Variants in OSBPL1A observed in about 807,000 individuals in gnomAD.
OSBPL1A encodes the protein oxysterol binding protein like 1A.
OSBPL1A carries 80 observed loss-of-function variants against 137.1 expected under a neutral mutation model. That is an observed-to-expected ratio of 0.58 (90% CI 0.49 to 0.70). OSBPL1A has a LOEUF of 0.70. OSBPL1A is among the 30% of genes least tolerant of loss of function. The pLI, the probability that OSBPL1A is intolerant of heterozygous loss-of-function variation, is 0.00. For synonymous variants in OSBPL1A, 365 were observed against 389.7 expected (o/e 0.94, Z 0.75); for missense variants, 970 against 1,129.4 (o/e 0.86, Z 2.02).
At chr18:24,359,251 A>AC (rs1350384809) in intron 4 of OSBPL1A, among the ~76,000 whole-genome samples, 2 of 151,042 alleles carry the variant, frequency 1.3e-5, no homozygotes, top group African/African-American at 2.4e-5. Flanking sequence ...AGAGAAAGAG[A>AC]GAGATATGGT....
At chr18:24,272,164 G>C (rs2089739849) in intron 15 of OSBPL1A, 1 of 983,936 alleles carries the variant, frequency 1.0e-6, no homozygotes, top group East Asian at 1.1e-4. Flanking sequence ...CGTGAGTGCC[G>C]CGCCGAGGCG....
At chr18:24,343,943 A>C (rs2091305990) in intron 4 of OSBPL1A, among the ~76,000 whole-genome samples, 1 of 152,200 alleles carries the variant, frequency 6.6e-6, no homozygotes, top group Non-Finnish European at 1.5e-5. Context: ...GCACAGGCAA[A>C]AAATGAAAAA....
intron 18 of OSBPL1A, among the ~76,000 whole-genome samples, chr18:24,184,055 A>G (rs989932796): frequency 1.3e-5 from 2 of 152,182 alleles, no homozygotes; most frequent in African/African-American, 4.8e-5. Flanking sequence ...TGGTAATGCT[A>G]TATGTGTGCT....
At chr18:24,351,430 T>C (rs373961315) in intron 4 of OSBPL1A, among the ~76,000 whole-genome samples, 3 of 149,570 alleles carry the variant, frequency 2.0e-5, no homozygotes, top group East Asian at 4.0e-4. Flanking sequence ...TATATGATCA[T>C]AGTAAAAGAC....
At chr18:24,355,187 G>T (rs936476798) in intron 4 of OSBPL1A, among the ~76,000 whole-genome samples, 1 of 151,756 alleles carries the variant, frequency 6.6e-6, no homozygotes, top group Non-Finnish European at 1.5e-5. Context: ...TACCTGATAT[G>T]TTTTCTGGAC....
chr18:24,377,825 TA>T (rs1342649104), intron 1 of OSBPL1A, among the ~76,000 whole-genome samples: 1 of 152,258 alleles, frequency 6.6e-6, no homozygotes, highest in Non-Finnish European at 1.5e-5. Context: ...GTTGTAAGAT[TA>T]TGTATGTGAA....
intron 17 of OSBPL1A, among the ~76,000 whole-genome samples, chr18:24,214,702 G>A (rs2087641438): frequency 1.3e-5 from 2 of 152,174 alleles, no homozygotes; most frequent in Admixed American, 1.3e-4. Flanking sequence ...TAGGCTGTAT[G>A]TTATCTGGAA....
At chr18:24,366,679 G>A in intron 4 of OSBPL1A, 1 of 405,830 alleles carries the variant, frequency 2.5e-6, no homozygotes, top group Non-Finnish European at 4.4e-6. Flanking sequence ...CTCCTCACAG[G>A]GATGCTACAG....
chr18:24,309,875 C>T (rs1182897970), intron 13 of OSBPL1A, among the ~76,000 whole-genome samples: 1 of 151,528 alleles, frequency 6.6e-6, no homozygotes, highest in African/African-American at 2.4e-5. Context: ...GGTGAAACCC[C>T]GTCTCTACTA....
intron 21 of OSBPL1A, among the ~76,000 whole-genome samples, chr18:24,175,113 T>TATATATATATATATATATATATATAC: frequency 6.3e-5 from 1 of 15,770 alleles, no homozygotes; most frequent in African/African-American, 9.1e-5. Context: ...TGTATGTATA[T>TATATATATATATATATATATATATAC]ATATATATAT....
intron 4 of OSBPL1A, among the ~76,000 whole-genome samples, chr18:24,345,397 A>G (rs1401667683): frequency 6.6e-6 from 1 of 152,172 alleles, no homozygotes; most frequent in African/African-American, 2.4e-5. Flanking sequence ...GTGTTAAGGA[A>G]GTTGAAAGGC....
intron 17 of OSBPL1A, among the ~76,000 whole-genome samples, chr18:24,201,024 A>G (rs1029180894): frequency 1.3e-5 from 2 of 152,040 alleles, no homozygotes; most frequent in African/African-American, 4.8e-5. Context: ...CGAGAGCAGC[A>G]ATCAGAATTT....
intron 14 of OSBPL1A, among the ~76,000 whole-genome samples, chr18:24,287,425 A>C (rs549751402): frequency 6.6e-6 from 1 of 152,322 alleles, no homozygotes; most frequent in African/African-American, 2.4e-5. Flanking sequence ...GAGTTTATCC[A>C]TTCTGAGTGC....
intron 4 of OSBPL1A, among the ~76,000 whole-genome samples, chr18:24,344,714 C>T (rs951738856): frequency 1.1e-4 from 16 of 151,912 alleles, no homozygotes; most frequent in Admixed American, 5.9e-4. Flanking sequence ...GTGAAAGTGC[C>T]GACGTCCAGT....
In OSBPL1A at chr18:24,343,015, A is replaced by C. The variant is rs1400428067; in HGVS notation, c.283-1357T>G. 3.9e-5 allele frequency among the ~76,000 whole-genome samples: 6 copies of C among 152,082 alleles called. No individual in the cohort carries two copies. In the East Asian group the frequency reaches 1.2e-3, roughly 29 times the overall value. The stretch of plus-strand genomic sequence containing the variant: ...TTTGGGGCTCATGTTTTCATGCTTT[A>C]CCTAAATAGTTCATATTAATTAAAG... On this transcript the variant is annotated intron_variant, in intron 4 of 27. Transcript: ENST00000319481.
chr18:24,206,891 C>T (rs1599490618), intron 17 of OSBPL1A, among the ~76,000 whole-genome samples: 1 of 152,094 alleles, frequency 6.6e-6, no homozygotes, highest in African/African-American at 2.4e-5. Flanking sequence ...GAGTGTAATC[C>T]CCCTCCGCTC....
At chr18:24,267,579 T>C (rs2089609538) in intron 15 of OSBPL1A, among the ~76,000 whole-genome samples, 1 of 152,160 alleles carries the variant, frequency 6.6e-6, no homozygotes, top group South Asian at 2.1e-4. Context: ...TAATACATCA[T>C]AACCAAATTA....
At chr18:24,222,560 G>A (rs145750763) in intron 17 of OSBPL1A, among the ~76,000 whole-genome samples, 8 of 152,056 alleles carry the variant, frequency 5.3e-5, no homozygotes, top group African/African-American at 9.6e-5. Context: ...ACTACACTAC[G>A]GTGTCCACTA....
chr18:24,365,025 C>CAAAAAAAAAAAAAAAAAAAA (rs56400717), intron 4 of OSBPL1A, among the ~76,000 whole-genome samples: 2 of 89,694 alleles, frequency 2.2e-5, no homozygotes, highest in Non-Finnish European at 4.3e-5. Flanking sequence ...AAAACAACAA[C>CAAAAAAAAAAAAAAAAAAAA]AAAAAAAAAA....
Sources: allele counts gnomAD v4.1 joint callset (sites outside exome capture counted in the v4.1 genomes callset), GRCh38; gene constraint gnomAD v4.1.1; transcripts MANE v1.5; gene names NCBI Gene and HGNC (gene_info 2026-07-23, HGNC 2026-07-21).